Variants in HUWE1 observed in about 807,000 individuals in gnomAD.
HUWE1 encodes the protein E3 ubiquitin-protein ligase HUWE1.
HUWE1 carries 18 observed loss-of-function variants against 299.4 expected under a neutral mutation model. That is an observed-to-expected ratio of 0.06 (90% CI 0.04 to 0.09). HUWE1 has a LOEUF of 0.09. Ranked by LOEUF, HUWE1 falls within the 10% of genes least tolerant of loss-of-function variation. The pLI is 1.00. For missense variants in HUWE1, 1,832 were observed against 3,462.3 expected (o/e 0.53, Z 11.82); for synonymous variants, 1,317 against 1,286.1 (o/e 1.02, Z -0.51).
chrX:53,677,337 T>C (rs1345336228), intron 3 of HUWE1, among the ~76,000 whole-genome samples: 2 of 110,618 alleles, frequency 1.8e-5, no homozygotes, highest in Admixed American at 9.7e-5. Flanking sequence ...AAGCACTTTA[T>C]ATGCATTAAC....
At chrX:53,583,317 A>C (rs1416287651) in intron 42 of HUWE1, among the ~76,000 whole-genome samples, 1 of 109,831 alleles carries the variant, frequency 9.1e-6, no homozygotes, top group Non-Finnish European at 1.9e-5. Context: ...AAAAAAAAAA[A>C]AGAAAAAAAG....
intron 4 of HUWE1, among the ~76,000 whole-genome samples, chrX:53,651,543 G>A (rs2068471257): frequency 9.0e-6 from 1 of 111,634 alleles, no homozygotes; most frequent in African/African-American, 3.3e-5. Flanking sequence ...TACTGAATTC[G>A]ATGTAAATAG....
At chrX:53,596,130 C>T (rs2064450846) in intron 29 of HUWE1, among the ~76,000 whole-genome samples, 1 of 111,867 alleles carries the variant, frequency 8.9e-6, no homozygotes, top group African/African-American at 3.2e-5. Flanking sequence ...CGTTATTTCA[C>T]GTTTTTTCAT....
At chrX:53,565,373 C>T (rs781980064) in intron 49 of HUWE1, 134 bp from the exon 50 acceptor site, 12 of 608,588 alleles carry the variant, frequency 2.0e-5, no homozygotes, top group Non-Finnish European at 2.7e-5. Context: ...TAACACTCTA[C>T]TTTTGTTTAG....
intron 19 of HUWE1, among the ~76,000 whole-genome samples, chrX:53,619,625 A>G (rs1198170523): frequency 9.2e-6 from 1 of 108,687 alleles, no homozygotes; most frequent in East Asian, 2.9e-4. Flanking sequence ...AGAAGCAGGA[A>G]CTATATACAG....
rs782354582 is a variant in HUWE1, at chrX:53,547,600, T to C, written c.10636+73A>G. Reference sequence around the variant, plus strand: ...GATTGCTATCACTGAGGGAGAACTATCTGGATGGAAAAGGGGGTGAAGTGG... The same window carrying C: ...GATTGCTATCACTGAGGGAGAACTACCTGGATGGAAAAGGGGGTGAAGTGG... On this transcript the variant is annotated intron_variant, in intron 68 of 83. Transcript: ENST00000262854. 5.1e-6 allele frequency: 6 copies of C among 1,178,493 alleles called. No homozygotes were observed. In the African/African-American group the frequency reaches 7.1e-5, roughly 14 times the overall value.
chrX:53,590,204 G>A (rs963338184), intron 35 of HUWE1, among the ~76,000 whole-genome samples, 200 bp downstream of exon 35: 2 of 112,192 alleles, frequency 1.8e-5, no homozygotes, highest in Non-Finnish European at 3.8e-5. Flanking sequence ...AAAGATTAAC[G>A]CTTCATATGC....
chrX:53,614,386 C>CTAA, intron 23 of HUWE1, 148 bp downstream of exon 23: 1 of 514,037 alleles, frequency 1.9e-6, no homozygotes, highest in Non-Finnish European at 3.4e-6. Context: ...AAAGGAAAAA[C>CTAA]TAATACATTC....
At position 53,551,499 on chromosome X, in the gene HUWE1, T is replaced by C; in HGVS notation, c.8882-19A>G. 5 of 1,150,441 alleles carry C rather than the reference T, an allele frequency of 4.3e-6. No individual in the cohort carries two copies. The highest frequency in any genetic ancestry group is 5.9e-6 in the Non-Finnish European group (5 of 851,527). The allele number at this position is 1,150,441 out of a possible 1,213,427, so 94.8% of individuals were successfully genotyped here. On this transcript the variant is annotated intron_variant, in intron 63 of 83. Coordinates refer to ENST00000262854, the MANE Select transcript of HUWE1 (RefSeq NM_031407.7). ...CTGATACCTGAAGGGAGATATAACA[T>C]GTAAAGGGATTCACGCCTTATTAAT... is the stretch of plus-strand genomic sequence containing the variant.
chrX:53,627,773 T>C lies in HUWE1; in HGVS notation c.1349A>G (p.His450Arg), dbSNP rs1557019252. The change falls in exon 16 of 84, where the codon CAT becomes CGT. Residue 450 changes from histidine (H) to arginine (R), a missense_variant. Physicochemically the swap from His to Arg is conservative, Grantham distance 29 (BLOSUM62 0). Transcript: ENST00000262854. Reference protein sequence around the residue: ...TNLDMAAFQSHSGLSIFIYRL... With the variant: ...TNLDMAAFQSRSGLSIFIYRL... ...ATAAATGAAGATAGAAAGTCCACTA[T>C]GGGATTGAAAAGCTGCCATATCCAG... 1 of 1,203,005 alleles carries C rather than the reference T, an allele frequency of 8.3e-7. No individual in the cohort carries two copies. Among genetic ancestry groups the C allele is most frequent in the African/African-American group, 1.7e-5 (1 of 57,525 alleles).
chrX:53,584,484 AGAAAAAACCT>A, intron 40 of HUWE1, 139 bp from the exon 41 acceptor site: 2 of 547,004 alleles, frequency 3.7e-6, no homozygotes, highest in Non-Finnish European at 5.9e-6. Flanking sequence ...TCATTTACAG[AGAAAAAACCT>A]GAAAGTCCCC....
chrX:53,537,162 C>T (rs1330033617), intron 78 of HUWE1: 4 of 245,312 alleles, frequency 1.6e-5, no homozygotes, highest in East Asian at 9.9e-5. Context: ...TCAGCTCCTA[C>T]GCTCAGTATT....
chrX:53,540,644 T>G (rs1471055541), intron 74 of HUWE1, among the ~76,000 whole-genome samples: 1 of 112,260 alleles, frequency 8.9e-6, no homozygotes, highest in Admixed American at 9.4e-5. Flanking sequence ...GCCTTCTAAA[T>G]TAGTCATCTT....
At chrX:53,665,528 C>T (rs1205780320) in intron 3 of HUWE1, among the ~76,000 whole-genome samples, 2 of 111,750 alleles carry the variant, frequency 1.8e-5, no homozygotes, top group Non-Finnish European at 3.8e-5. Flanking sequence ...GAACACATCT[C>T]CTGCCACATC....
chrX:53,577,860 C>G (rs1556960900), intron 43 of HUWE1, among the ~76,000 whole-genome samples: 3 of 113,640 alleles, frequency 2.6e-5, no homozygotes, highest in Non-Finnish European at 3.8e-5. Flanking sequence ...GTGGCGTGAT[C>G]TCGGCTCGCT....
At chrX:53,578,264 A>C (rs1380126825) in intron 43 of HUWE1, among the ~76,000 whole-genome samples, 1 of 90,971 alleles carries the variant, frequency 1.1e-5, no homozygotes, top group Non-Finnish European at 2.2e-5. Context: ...GCCCCGTCTG[A>C]GAAGTGAGGA....
chrX:53,550,336 A>G (rs1306705920), intron 66 of HUWE1, among the ~76,000 whole-genome samples: 1 of 111,881 alleles, frequency 8.9e-6, no homozygotes, highest in Admixed American at 9.5e-5. Flanking sequence ...ATACTTCCTT[A>G]GCCTAGGTGT....
chrX:53,577,457 T>TAAA (rs782304486), intron 43 of HUWE1, among the ~76,000 whole-genome samples: 1 of 76,863 alleles, frequency 1.3e-5, no homozygotes, highest in African/African-American at 5.1e-5. Context: ...AACGTTTTAT[T>TAAA]AAAAAAAAAA....
intron 47 of HUWE1, among the ~76,000 whole-genome samples, chrX:53,572,991 A>G (rs1556953216): frequency 9.0e-6 from 1 of 110,943 alleles, no homozygotes; most frequent in Non-Finnish European, 1.9e-5. Flanking sequence ...TTGAGTCTTA[A>G]TTTCCTTTTT....
Sources: gnomAD v4.1 joint callset for allele counts (sites outside exome capture counted in the v4.1 genomes callset) on GRCh38, gnomAD v4.1.1 for gene constraint, MANE v1.5 for transcripts, NCBI Gene and HGNC (gene_info 2026-07-23, HGNC 2026-07-21) for gene names.